The following STK39 variants were observed in gnomAD, a reference collection of about 807,000 sequenced individuals.
STK39 encodes serine/threonine kinase 39.
A neutral mutation model predicts 77.8 loss-of-function variants in STK39; 20 were observed. The observed-to-expected ratio is 0.26, with a 90% CI of 0.18 to 0.37. The LOEUF is 0.37. Among genes scored for constraint, STK39 ranks in the 10% least tolerant of loss-of-function variants. The pLI, the probability that STK39 is intolerant of heterozygous loss-of-function variation, is 1.00. For synonymous variants in STK39, 246 were observed against 234.1 expected (o/e 1.05, Z -0.47); for missense variants, 479 against 656.5 (o/e 0.73, Z 2.95).
At chr2:168,163,447 C>T (rs1012608825) in intron 4 of STK39, among the ~76,000 whole-genome samples, 1 of 152,224 alleles carries the variant, frequency 6.6e-6, no homozygotes, top group Non-Finnish European at 1.5e-5. Context: ...GCAACTGAAG[C>T]AATCCCAAGG....
intron 5 of STK39, among the ~76,000 whole-genome samples, chr2:168,156,836 G>C (rs548876322): frequency 6.6e-6 from 1 of 152,142 alleles, no homozygotes; most frequent in Non-Finnish European, 1.5e-5. Context: ...GGATGCCTCC[G>C]GGGCTTTCAG....
chr2:168,082,316 T>C (rs2105417799), intron 10 of STK39, among the ~76,000 whole-genome samples: 1 of 152,354 alleles, frequency 6.6e-6, no homozygotes, highest in East Asian at 1.9e-4. Context: ...CACTCTTCTC[T>C]TTCACTGTCA....
chr2:168,209,539 G>A (rs4668047), intron 1 of STK39, among the ~76,000 whole-genome samples: 24,780 of 151,854 alleles, frequency 0.16, 2,077 homozygotes, highest in East Asian at 0.25. Context: ...AGCCGGGCAC[G>A]GTGGCACATG....
rs1189215679 is a variant in STK39, at chr2:167,990,022, C to A, written c.1498+22612G>T. On this transcript the variant is annotated intron_variant, in intron 16 of 17. Transcript: ENST00000355999. ...TAAAACGACCAATAATAATCATCAT[C>A]ATCATCTTCAAATGGTTATTAGAAA... Among the ~76,000 whole-genome samples, 2 of 151,952 alleles carry A rather than the reference C, an allele frequency of 1.3e-5. 1 individual carries two copies. Among genetic ancestry groups the A allele is most frequent in the African/African-American group, 4.8e-5 (2 of 41,380 alleles).
chr2:168,184,830 G>C (rs775396684), intron 1 of STK39, among the ~76,000 whole-genome samples: 1 of 152,186 alleles, frequency 6.6e-6, no homozygotes, highest in African/African-American at 2.4e-5. Flanking sequence ...ATGTTTTACT[G>C]TAAGTGATGA....
At chr2:168,034,560 A>G (rs896384834) in intron 14 of STK39, among the ~76,000 whole-genome samples, 1 of 152,220 alleles carries the variant, frequency 6.6e-6, no homozygotes, top group Non-Finnish European at 1.5e-5. Context: ...TCTGCACCAG[A>G]AGACAGAGCA....
At chr2:168,144,559 G>T (rs529824200) in intron 5 of STK39, among the ~76,000 whole-genome samples, 34 of 152,138 alleles carry the variant, frequency 2.2e-4, no homozygotes, top group African/African-American at 7.7e-4. Context: ...TCCTGTCTCA[G>T]CCTCCCAACG....
chr2:168,197,394 C>T (rs1043723677), intron 1 of STK39, among the ~76,000 whole-genome samples: 6 of 152,210 alleles, frequency 3.9e-5, no homozygotes, highest in Non-Finnish European at 5.9e-5. Flanking sequence ...GGCCCATCCA[C>T]CAGAATATGT....
intron 1 of STK39, among the ~76,000 whole-genome samples, chr2:168,243,743 T>C (rs778681077): frequency 6.6e-6 from 1 of 152,240 alleles, no homozygotes. Context: ...TCCATTCCAT[T>C]ACGGATGGCC....
At chr2:167,974,921 T>C (rs916745292) in intron 16 of STK39, among the ~76,000 whole-genome samples, 1 of 152,192 alleles carries the variant, frequency 6.6e-6, no homozygotes, top group African/African-American at 2.4e-5. Flanking sequence ...GAACAAAAAT[T>C]GATTTTCATG....
rs1344555674 is a variant in STK39 at position 168,182,098 on chromosome 2, G to A, written c.209-8C>T. 1 of 1,611,414 alleles carries A rather than the reference G, an allele frequency of 6.2e-7. No homozygotes were observed. Among genetic ancestry groups the A allele is most frequent in the Non-Finnish European group, 8.5e-7 (1 of 1,177,814 alleles). ...CAGCAGTAGCTCCACTGCCTGCAAT[G>A]AAATAAAAACAACATCAGCGATCAA... On this transcript the variant is annotated splice_polypyrimidine_tract_variant and splice_region_variant and intron_variant, in intron 1 of 17. Coordinates refer to ENST00000355999, the MANE Select transcript of STK39 (RefSeq NM_013233.3).
intron 1 of STK39, among the ~76,000 whole-genome samples, chr2:168,196,764 T>C (rs771063326): frequency 2.6e-5 from 4 of 152,138 alleles, no homozygotes; most frequent in Non-Finnish European, 5.9e-5. Context: ...GGTGGTGACA[T>C]GTGGGCTGAC....
At chr2:168,072,281 G>A (rs1004652676) in intron 12 of STK39, among the ~76,000 whole-genome samples, 2 of 152,144 alleles carry the variant, frequency 1.3e-5, no homozygotes, top group Non-Finnish European at 2.9e-5. Flanking sequence ...GACTTCTGTG[G>A]AACAAAGTGA....
chr2:168,213,824 T>C (rs2105703009), intron 1 of STK39, among the ~76,000 whole-genome samples: 1 of 152,328 alleles, frequency 6.6e-6, no homozygotes, highest in Non-Finnish European at 1.5e-5. Context: ...CTATAATGAA[T>C]ATATATGACT....
chr2:168,074,855 T>C, intron 12 of STK39, 127 bp downstream of exon 12: 1 of 1,091,698 alleles, frequency 9.2e-7, no homozygotes, highest in Non-Finnish European at 1.3e-6. Context: ...AGCTGCAAAG[T>C]CCTCGTGCCT....
chr2:168,038,936 C>T (rs1685028542), intron 14 of STK39, among the ~76,000 whole-genome samples: 1 of 152,180 alleles, frequency 6.6e-6, no homozygotes, highest in Admixed American at 6.5e-5. Context: ...AATTCTCATA[C>T]ACTGCTGGTG....
chr2:168,033,057 C>A (rs1432129089), intron 14 of STK39, among the ~76,000 whole-genome samples: 2 of 152,194 alleles, frequency 1.3e-5, no homozygotes, highest in Non-Finnish European at 2.9e-5. Flanking sequence ...CCCTAAAGAA[C>A]CTGGCACAGG....
At position 168,046,248 on chromosome 2, in the gene STK39, C is replaced by T. The variant is rs145788105; in HGVS notation, c.1376+17252G>A. On this transcript the variant is annotated intron_variant, in intron 14 of 17. Coordinates refer to ENST00000355999, the MANE Select transcript of STK39 (RefSeq NM_013233.3). ...GGGCGTGGTGGTGCATGCCTGTAGT[C>T]CCAGCTATGTGGGAGGCTGAGGCAG... Among the ~76,000 whole-genome samples the T allele has an allele frequency of 4.1e-3, 632 of 152,290 alleles. 7 individuals carry two copies. The highest frequency in any genetic ancestry group is 0.013 in the African/African-American group (553 of 41,568).
intron 12 of STK39, among the ~76,000 whole-genome samples, chr2:168,070,189 C>T (rs1685902613): frequency 6.6e-6 from 1 of 152,086 alleles, no homozygotes; most frequent in African/African-American, 2.4e-5. Flanking sequence ...CCCCGACCCC[C>T]AAAGAGATGA....
Sources: gnomAD v4.1 joint callset for allele counts (sites outside exome capture counted in the v4.1 genomes callset) on GRCh38, gnomAD v4.1.1 for gene constraint, MANE v1.5 for transcripts, NCBI Gene and HGNC (gene_info 2026-07-23, HGNC 2026-07-21) for gene names.